The following NUCKS1 variants were observed in gnomAD, a reference collection of about 807,000 sequenced individuals.
NUCKS1 encodes the protein nuclear ubiquitous casein and cyclin-dependent kinase substrate 1.
A neutral mutation model predicts 33.0 loss-of-function variants in NUCKS1; 2 were observed. That is an observed-to-expected ratio of 0.06 (90% CI 0.02 to 0.19). The LOEUF (loss-of-function observed/expected upper bound fraction) is 0.19, where lower values mean the gene tolerates loss of function less well. Among genes scored for constraint, NUCKS1 ranks in the 10% least tolerant of loss-of-function variants. The pLI is 1.00. For synonymous variants in NUCKS1, 106 were observed against 102.8 expected (o/e 1.03, Z -0.19); for missense variants, 201 against 293.6 (o/e 0.68, Z 2.31).
Position 205,715,643 on chromosome 1 carries a change from T to C in NUCKS1, c.*2637A>G, listed in dbSNP as rs977165107. ...AACTAGAATGTAGTGTCAGTCAGCATAGCTGCTGAAATCTACGTTGTAGAG... is the reference window on the plus strand; with the variant it reads ...AACTAGAATGTAGTGTCAGTCAGCACAGCTGCTGAAATCTACGTTGTAGAG... On this transcript the variant is annotated 3_prime_UTR_variant, in exon 7 of 7. Transcript: ENST00000367142. The C allele has an allele frequency of 1.3e-5, 2 of 152,254 alleles. No homozygotes were observed. Among genetic ancestry groups the C allele is most frequent in the South Asian group, 2.1e-4 (1 of 4,836 alleles). 9.4% of individuals were successfully genotyped at this position (152,254 alleles called of 1,614,324 possible).
intron 1 of NUCKS1, among the ~76,000 whole-genome samples, chr1:205,744,719 G>A (rs535144066): frequency 8.4e-5 from 11 of 130,834 alleles, no homozygotes; most frequent in African/African-American, 1.7e-4. Context: ...TGCAACCTCC[G>A]CCTCCTGGGT....
chr1:205,747,893 G>A (rs1321934951), intron 1 of NUCKS1, among the ~76,000 whole-genome samples: 2 of 151,492 alleles, frequency 1.3e-5, no homozygotes, highest in Admixed American at 1.3e-4. Flanking sequence ...TTTATTATTG[G>A]TCATGAATAA....
chr1:205,735,791 GTA>G (rs1246030057), intron 1 of NUCKS1, among the ~76,000 whole-genome samples: 2 of 152,222 alleles, frequency 1.3e-5, no homozygotes, highest in African/African-American at 4.8e-5. Context: ...GAATACCACT[GTA>G]ATTTTGAACA....
intron 1 of NUCKS1, among the ~76,000 whole-genome samples, chr1:205,731,879 G>T (rs1184683170): frequency 6.7e-6 from 1 of 148,800 alleles, no homozygotes. Flanking sequence ...CTGGGCGAAA[G>T]AGAGAGACTC....
At chr1:205,728,720 G>A (rs907800987) in intron 2 of NUCKS1, among the ~76,000 whole-genome samples, 50 of 152,008 alleles carry the variant, frequency 3.3e-4, no homozygotes, top group Non-Finnish European at 4.6e-4. Context: ...AAACATACCT[G>A]GAAAGTAATG....
At chr1:205,744,219 G>T (rs1654253885) in intron 1 of NUCKS1, among the ~76,000 whole-genome samples, 2 of 152,214 alleles carry the variant, frequency 1.3e-5, no homozygotes, top group Admixed American at 6.5e-5. Flanking sequence ...ACATTGAAAA[G>T]ATCACGAACT....
chr1:205,743,261 G>A (rs565454779), intron 1 of NUCKS1, among the ~76,000 whole-genome samples: 1 of 152,262 alleles, frequency 6.6e-6, no homozygotes, highest in African/African-American at 2.4e-5. Flanking sequence ...TTGGGCTGGA[G>A]GAAGCCAGTG....
At chr1:205,720,703 G>C (rs560543041) in intron 4 of NUCKS1, 50 bp from the exon 5 acceptor site, 6 of 1,520,828 alleles carry the variant, frequency 3.9e-6, no homozygotes, top group Non-Finnish European at 5.3e-6. Context: ...TTTTATATTT[G>C]ACAAGATAGT....
chr1:205,725,483 T>C (rs1571573930), intron 3 of NUCKS1, among the ~76,000 whole-genome samples: 2 of 152,358 alleles, frequency 1.3e-5, no homozygotes, highest in East Asian at 3.9e-4. Flanking sequence ...CACTTTATAA[T>C]TCTGAAACCT....
chr1:205,744,557 A>C (rs1654263968), intron 1 of NUCKS1, among the ~76,000 whole-genome samples: 1 of 151,420 alleles, frequency 6.6e-6, no homozygotes, highest in Non-Finnish European at 1.5e-5. Flanking sequence ...CATAACTTAC[A>C]TGGTGGCAAA....
In NUCKS1 at chr1:205,718,169, C is replaced by T. The variant is rs1671859564; in HGVS notation, c.*111G>A. The T allele has an allele frequency of 2.1e-6, 3 of 1,404,124 alleles. No homozygotes were observed. The highest frequency in any genetic ancestry group is 2.8e-6 in the Non-Finnish European group (3 of 1,086,124). The allele number at this position is 1,404,124 out of a possible 1,614,324, so 87.0% of individuals were successfully genotyped here. On this transcript the variant is annotated 3_prime_UTR_variant, in exon 7 of 7. Transcript: ENST00000367142. ...AAGCACTGAAAGCCCATGAGTCAAG[C>T]CATAGCCAAAACCATGTTCTATCTT...
chr1:205,731,471 C>T (rs1233962476), intron 1 of NUCKS1: 3 of 152,130 alleles, frequency 2.0e-5, no homozygotes, highest in Admixed American at 6.5e-5. Context: ...AAGTTTAATA[C>T]TTCTTCTCTA....
In NUCKS1 at chr1:205,724,112, T is replaced by G. The variant is rs187182112; in HGVS notation, c.174-131A>C. On this transcript the variant is annotated intron_variant, in intron 3 of 6. Coordinates refer to ENST00000367142, the MANE Select transcript of NUCKS1 (RefSeq NM_022731.5). ...CTATATAAAATCTTCAAACAAATGCTAAGGAGTACTTTATTTCCTTATTTA... is the reference window on the plus strand; with the variant it reads ...CTATATAAAATCTTCAAACAAATGCGAAGGAGTACTTTATTTCCTTATTTA... 37 of 760,352 alleles carry G rather than the reference T, an allele frequency of 4.9e-5. No homozygotes were observed. The Admixed American group carries it at 5.7e-4, about 12-fold the overall frequency. 47.1% of individuals were successfully genotyped at this position (760,352 alleles called of 1,614,324 possible).
At position 205,717,217 on chromosome 1, in the gene NUCKS1, T is replaced by C. The variant is rs1035140458; in HGVS notation, c.*1063A>G. 4 of 676,430 alleles carry C rather than the reference T, an allele frequency of 5.9e-6. No individual in the cohort carries two copies. Among genetic ancestry groups the C allele is most frequent in the Non-Finnish European group, 7.3e-6 (4 of 546,372 alleles). The allele number at this position is 676,430 out of a possible 1,614,324, so 41.9% of individuals were successfully genotyped here. ...AAAGCAGAGCATGGTTAATGGGACC[T>C]GAATGCACATTTATAGCATAAAAGA... is the stretch of plus-strand genomic sequence containing the variant. On this transcript the variant is annotated 3_prime_UTR_variant, in exon 7 of 7. Transcript: ENST00000367142.
At position 205,717,795 on chromosome 1, in the gene NUCKS1, TTTTAAAAGTCCAGGTAG is replaced by T. The variant is rs1671849333; in HGVS notation, c.*468_*484del. The T allele has an allele frequency of 4.1e-6, 4 of 985,252 alleles. No individual in the cohort carries two copies. The African/African-American group carries it at 7.0e-5, about 17-fold the overall frequency. 61.0% of individuals were successfully genotyped at this position (985,252 alleles called of 1,614,324 possible). ...AACTCATATTAGATGACAATTGATT[TTTTAAAAGTCCAGGTAG>T]AGAAAGGAGCAATCATTTTGAACTA... is the stretch of plus-strand genomic sequence containing the variant. On this transcript the variant is annotated 3_prime_UTR_variant, in exon 7 of 7. Coordinates refer to ENST00000367142, the MANE Select transcript of NUCKS1 (RefSeq NM_022731.5).
rs566844747 is a variant in NUCKS1 at position 205,743,239 on chromosome 1, T to C, written c.17+6718A>G. The stretch of plus-strand genomic sequence containing the variant: ...TTCAAAATTAGCTTTCTTTCTTAAC[T>C]AACGGTGTTTTTTGGGCTGGAGGAA... On this transcript the variant is annotated intron_variant, in intron 1 of 6. Coordinates refer to ENST00000367142, the MANE Select transcript of NUCKS1 (RefSeq NM_022731.5). 7.9e-5 allele frequency among the ~76,000 whole-genome samples: 12 copies of C among 152,334 alleles called. No homozygotes were observed. The South Asian group carries it at 1.0e-3, about 13-fold the overall frequency.
intron 1 of NUCKS1, among the ~76,000 whole-genome samples, chr1:205,730,343 A>G (rs1653878143): frequency 2.0e-5 from 3 of 151,494 alleles, no homozygotes; most frequent in Admixed American, 1.3e-4. Context: ...CACTGCACCC[A>G]GCCAAAAATT....
Position 205,713,194 on chromosome 1 carries a change from G to C in NUCKS1, c.*5086C>G, listed in dbSNP as rs1671772934. The C allele has an allele frequency of 6.6e-6, 1 of 151,930 alleles. No homozygotes were observed. Among genetic ancestry groups the C allele is most frequent in the Non-Finnish European group, 1.5e-5 (1 of 67,998 alleles). 9.4% of individuals were successfully genotyped at this position (151,930 alleles called of 1,614,324 possible). ...CAAGAAGTACACAGAGCACACATCT[G>C]GGTTATAAAAGCCCTTTTATAAAGC... On this transcript the variant is annotated 3_prime_UTR_variant, in exon 7 of 7. Coordinates refer to ENST00000367142, the MANE Select transcript of NUCKS1 (RefSeq NM_022731.5).
chr1:205,749,226 A>C (rs1030497604), intron 1 of NUCKS1, among the ~76,000 whole-genome samples: 2 of 152,202 alleles, frequency 1.3e-5, no homozygotes, highest in African/African-American at 4.8e-5. Context: ...TTCTAGTCGG[A>C]GAGAAAGAGC....
Sources: gnomAD v4.1 joint callset for allele counts (sites outside exome capture counted in the v4.1 genomes callset) on GRCh38, gnomAD v4.1.1 for gene constraint, MANE v1.5 for transcripts, NCBI Gene and HGNC (gene_info 2026-07-23, HGNC 2026-07-21) for gene names.